The following IGF1R variants were observed in gnomAD, a reference collection of about 807,000 sequenced individuals.
The protein encoded by IGF1R is insulin like growth factor 1 receptor.
IGF1R carries 44 observed loss-of-function variants against 144.6 expected under a neutral mutation model. That is an observed-to-expected ratio of 0.30 (90% CI 0.24 to 0.39). The LOEUF is 0.39. IGF1R is among the 10% of genes least tolerant of loss of function. IGF1R has a pLI of 1.00. For missense variants in IGF1R, 1,355 were observed against 1,833.7 expected, an observed-to-expected ratio of 0.74 and a Z score of 4.77; for synonymous variants, 795 against 722.8, an observed-to-expected ratio of 1.10 and a Z score of -1.60.
intron 15 of IGF1R, among the ~76,000 whole-genome samples, chr15:98,931,723 A>G (rs1056217252): frequency 4.8e-5 from 7 of 147,350 alleles, no homozygotes; most frequent in Admixed American, 2.0e-4. Flanking sequence ...AAAAAGCCAG[A>G]TGTGGTCGAA....
At chr15:98,667,857 T>C (rs1489168987) in intron 1 of IGF1R, among the ~76,000 whole-genome samples, 2 of 151,936 alleles carry the variant, frequency 1.3e-5, no homozygotes, top group Non-Finnish European at 2.9e-5. Flanking sequence ...TTTTGCTTGT[T>C]TGTGTATGTG....
At chr15:98,875,680 T>G (rs2013027070) in intron 2 of IGF1R, among the ~76,000 whole-genome samples, 1 of 152,206 alleles carries the variant, frequency 6.6e-6, no homozygotes, top group Non-Finnish European at 1.5e-5. Context: ...CCTTCATCTT[T>G]CAAAGCAAAT....
intron 2 of IGF1R, among the ~76,000 whole-genome samples, chr15:98,883,550 T>C (rs927070778): frequency 1.3e-5 from 2 of 152,216 alleles, no homozygotes; most frequent in Non-Finnish European, 2.9e-5. Context: ...CGTCACTCTC[T>C]TCTTCCCTGG....
rs1263405914 is a variant in IGF1R at position 98,679,031 on chromosome 15, C to T, written c.95-28531C>T. On this transcript the variant is annotated intron_variant, in intron 1 of 20. Coordinates refer to ENST00000650285, the MANE Select transcript of IGF1R (RefSeq NM_000875.5). ...CAGCCCACTGGGCTCCAGCAAGCCT[C>T]CCACCTCAGCCTCTGGAGTAGCTGG... Among the ~76,000 whole-genome samples the T allele has an allele frequency of 4.6e-5, 7 of 151,762 alleles. No homozygotes were observed. In the East Asian group the frequency reaches 1.4e-3, roughly 29 times the overall value.
chr15:98,933,429 A>G (rs2016020001), intron 15 of IGF1R, among the ~76,000 whole-genome samples: 1 of 151,872 alleles, frequency 6.6e-6, no homozygotes, highest in Non-Finnish European at 1.5e-5. Context: ...CAGTAGCCTC[A>G]ACCTCCTGGG....
intron 2 of IGF1R, among the ~76,000 whole-genome samples, chr15:98,774,893 A>G (rs928229829): frequency 8.5e-5 from 13 of 152,202 alleles, no homozygotes; most frequent in Admixed American, 8.5e-4. Context: ...GAAGATGAGT[A>G]GTACTCGACT....
chr15:98,808,522 T>C (rs1292643389), intron 2 of IGF1R, among the ~76,000 whole-genome samples: 1 of 152,204 alleles, frequency 6.6e-6, no homozygotes. Flanking sequence ...AAGTTTAATA[T>C]ATACATTCAT....
intron 15 of IGF1R, among the ~76,000 whole-genome samples, chr15:98,933,307 G>A (rs2016015360): frequency 6.6e-6 from 1 of 152,004 alleles, no homozygotes; most frequent in African/African-American, 2.4e-5. Flanking sequence ...CTTTCTCTTT[G>A]TTTTGCCTTC....
At chr15:98,923,440 C>T (rs1429163440) in intron 11 of IGF1R, among the ~76,000 whole-genome samples, 1 of 152,270 alleles carries the variant, frequency 6.6e-6, no homozygotes, top group South Asian at 2.1e-4. Context: ...GCCCCGTGTC[C>T]TGCTTCTGCT....
At chr15:98,676,210 G>A (rs184756974) in intron 1 of IGF1R, among the ~76,000 whole-genome samples, 76 of 151,852 alleles carry the variant, frequency 5.0e-4, no homozygotes, top group Non-Finnish European at 9.9e-4. Context: ...GCGCCATCTC[G>A]GCTCCCTGCA....
chr15:98,739,265 CTTT>C (rs1324359919), intron 2 of IGF1R, among the ~76,000 whole-genome samples: 1 of 152,170 alleles, frequency 6.6e-6, no homozygotes, highest in Admixed American at 6.5e-5. Flanking sequence ...CTCTGTGCCT[CTTT>C]CTCTGCATGC....
chr15:98,851,248 G>C (rs2011516381), intron 2 of IGF1R, among the ~76,000 whole-genome samples: 1 of 152,176 alleles, frequency 6.6e-6, no homozygotes, highest in Non-Finnish European at 1.5e-5. Context: ...TGCCAGGCGG[G>C]CAGGGCCGGG....
intron 1 of IGF1R, among the ~76,000 whole-genome samples, chr15:98,673,649 G>T (rs1318040823): frequency 2.0e-5 from 3 of 152,216 alleles, no homozygotes; most frequent in Non-Finnish European, 4.4e-5. Context: ...TGCAGTCACA[G>T]ACACTGCTGG....
Position 98,649,525 on chromosome 15 carries a change from C to CTTTTTTTTTTTTTTTTTTTTTTTTTTTTT in IGF1R, c.-33_-32insTTTTTTTTTTTTTTTTTTTTTTTTTTTTT. ...TCATTTCCTTTTTTTCTTTTCTTTT[C>CTTTTTTTTTTTTTTTTTTTTTTTTTTTTT]TTTTTTTTTTTTTTTTTTTTTTTTG... is the stretch of plus-strand genomic sequence containing the variant. On this transcript the variant is annotated 5_prime_UTR_variant, in exon 1 of 21. Transcript: ENST00000650285. 4.1e-6 allele frequency: 3 copies of CTTTTTTTTTTTTTTTTTTTTTTTTTTTTT among 726,208 alleles called. No individual in the cohort carries two copies. Among genetic ancestry groups the CTTTTTTTTTTTTTTTTTTTTTTTTTTTTT allele is most frequent in the Middle Eastern group, 3.1e-4 (1 of 3,194 alleles). The allele number at this position is 726,208 out of a possible 1,614,324, so 45.0% of individuals were successfully genotyped here.
chr15:98,791,731 T>C (rs963432209), intron 2 of IGF1R, among the ~76,000 whole-genome samples: 1 of 152,260 alleles, frequency 6.6e-6, no homozygotes, highest in African/African-American at 2.4e-5. Context: ...TACAATGAGA[T>C]AAATTTCACA....
chr15:98,910,600 C>T (rs1016336921), intron 6 of IGF1R, among the ~76,000 whole-genome samples: 12 of 152,170 alleles, frequency 7.9e-5, no homozygotes, highest in African/African-American at 1.2e-4. Flanking sequence ...TGGTCCTTAT[C>T]GTAGTTTGAA....
Position 98,958,250 on chromosome 15 carries a change from C to CT in IGF1R, c.*809dup, listed in dbSNP as rs1399619720. The stretch of plus-strand genomic sequence containing the variant: ...GGGGAACTGGACACAATAGGTCTTT[C>CT]TCTCAGTGAAGGTGGGGAGAAGCTG... On this transcript the variant is annotated 3_prime_UTR_variant, in exon 21 of 21. Coordinates refer to ENST00000650285, the MANE Select transcript of IGF1R (RefSeq NM_000875.5). 1.3e-5 allele frequency: 3 copies of CT among 231,528 alleles called. No homozygotes were observed. The highest frequency in any genetic ancestry group is 2.6e-5 in the Non-Finnish European group (3 of 117,120). 14.3% of individuals were successfully genotyped at this position (231,528 alleles called of 1,614,324 possible). A position where few individuals can be genotyped will look rare whatever the true frequency, so the allele number is the denominator to read the frequency against.
chr15:98,830,836 T>G (rs2056989293), intron 2 of IGF1R, among the ~76,000 whole-genome samples: 1 of 152,160 alleles, frequency 6.6e-6, no homozygotes, highest in Non-Finnish European at 1.5e-5. Context: ...ACTCCTGACC[T>G]CAGGTGATCC....
Position 98,814,206 on chromosome 15 carries a change from A to C in IGF1R, c.641-77119A>C, listed in dbSNP as rs1187380805. 2.0e-5 allele frequency among the ~76,000 whole-genome samples: 3 copies of C among 152,310 alleles called. No homozygotes were observed. The East Asian group carries it at 5.8e-4, about 29-fold the overall frequency. On this transcript the variant is annotated intron_variant, in intron 2 of 20. Transcript: ENST00000650285. Reference sequence around the variant, plus strand: ...AGATCCTGTTGCAAAACCAAGATTCAACTTTAAAATACATTTTAATTTAAG... The same window carrying C: ...AGATCCTGTTGCAAAACCAAGATTCCACTTTAAAATACATTTTAATTTAAG...
Sources: allele counts gnomAD v4.1 joint callset (sites outside exome capture counted in the v4.1 genomes callset), GRCh38; gene constraint gnomAD v4.1.1; transcripts MANE v1.5; gene names NCBI Gene and HGNC (gene_info 2026-07-23, HGNC 2026-07-21).